Variants in RBM48 observed in about 807,000 individuals in gnomAD.
The protein encoded by RBM48 is RNA-binding protein 48.
In RBM48, 32 loss-of-function variants were observed where a neutral mutation model predicts 34.8. The ratio of observed to expected loss-of-function variants is 0.92; its 90% CI spans 0.69 to 1.23. RBM48 has a LOEUF of 1.23. Among genes scored for constraint, RBM48 ranks in the 50% most tolerant of loss-of-function variants. The pLI, the probability that RBM48 is intolerant of heterozygous loss-of-function variation, is 0.00. For missense variants in RBM48, 441 were observed against 447.2 expected, an observed-to-expected ratio of 0.99 and a Z score of 0.12; for synonymous variants, 151 against 156.2, an observed-to-expected ratio of 0.97 and a Z score of 0.25.
At chr7:92,530,008 T>G (rs927648794) in intron 2 of RBM48, among the ~76,000 whole-genome samples, 11 of 145,906 alleles carry the variant, frequency 7.5e-5, no homozygotes, top group African/African-American at 2.8e-4. Context: ...GAAACCCCCC[T>G]CTCTACTAAA....
intron 4 of RBM48, chr7:92,536,537 C>G: frequency 2.8e-5 from 28 of 1,006,098 alleles, no homozygotes; most frequent in Non-Finnish European, 3.3e-5. Context: ...ACCAGGATAT[C>G]TATCTGAATC....
At position 92,538,826 on chromosome 7, in the gene RBM48, T is replaced by A. The variant is rs1793789024; in HGVS notation, c.*1889T>A. ...AGATGAAAAGAGTTCTAGAGATCTGTTGCATGACAAACGTTACCTGACAGT... is the reference window on the plus strand; with the variant it reads ...AGATGAAAAGAGTTCTAGAGATCTGATGCATGACAAACGTTACCTGACAGT... On this transcript the variant is annotated 3_prime_UTR_variant, in exon 5 of 5. Coordinates refer to ENST00000265732, the MANE Select transcript of RBM48 (RefSeq NM_032120.4). Among the ~76,000 whole-genome samples the A allele has an allele frequency of 1.3e-5, 2 of 152,146 alleles. No homozygotes were observed. Among genetic ancestry groups the A allele is most frequent in the South Asian group, 4.1e-4 (2 of 4,830 alleles).
rs374461346 is a variant in RBM48 at position 92,529,459 on chromosome 7, C to G, written c.112-17C>G. 11 of 1,495,952 alleles carry G rather than the reference C, an allele frequency of 7.4e-6. No individual in the cohort carries two copies. The highest frequency in any genetic ancestry group is 4.5e-5 in the East Asian group (2 of 43,988). The allele number at this position is 1,495,952 out of a possible 1,614,324, so 92.7% of individuals were successfully genotyped here. On this transcript the variant is annotated splice_polypyrimidine_tract_variant and intron_variant, in intron 1 of 4. Transcript: ENST00000265732. ...CTTATTTGCGAAATACGTTTAATAACTCTGCATTTCTTTCAGGTATATACA... is the reference window on the plus strand; with the variant it reads ...CTTATTTGCGAAATACGTTTAATAAGTCTGCATTTCTTTCAGGTATATACA...
At position 92,537,944 on chromosome 7, in the gene RBM48, T is replaced by G. The variant is rs1793764355; in HGVS notation, c.*1007T>G. On this transcript the variant is annotated 3_prime_UTR_variant, in exon 5 of 5. Coordinates refer to ENST00000265732, the MANE Select transcript of RBM48 (RefSeq NM_032120.4). The stretch of plus-strand genomic sequence containing the variant: ...TCGGCCTCCCAAAGTACTAGGATTA[T>G]GGGTGTGACCCACTGTGCCTGGCCA... 6.6e-6 allele frequency: 1 copy of G among 152,234 alleles called. No homozygotes were observed. The highest frequency in any genetic ancestry group is 1.5e-5 in the Non-Finnish European group (1 of 68,070). 9.4% of individuals were successfully genotyped at this position (152,234 alleles called of 1,614,324 possible). A position where few individuals can be genotyped will look rare whatever the true frequency, so the allele number is the denominator to read the frequency against.
Position 92,533,967 on chromosome 7 carries a change from TAAAAAAA to T in RBM48, c.449-419_449-413del, listed in dbSNP as rs768646005. Among the ~76,000 whole-genome samples, 318 of 83,920 alleles carry T rather than the reference TAAAAAAA, an allele frequency of 3.8e-3. 1 individual carries two copies. Among genetic ancestry groups the T allele is most frequent in the African/African-American group, 0.012 (286 of 24,042 alleles). 55.1% of individuals were successfully genotyped at this position (83,920 alleles called of 152,430 possible). On this transcript the variant is annotated intron_variant, in intron 3 of 4. Transcript: ENST00000265732. ...CAGATAGTGGAATACTCTGAAATTG[TAAAAAAA>T]AAAAAAAAAAAAAAACCTTTCTATA...
chr7:92,532,326 A>G, intron 2 of RBM48, 78 bp from the exon 3 acceptor site: 4 of 1,234,760 alleles, frequency 3.2e-6, no homozygotes, highest in South Asian at 1.4e-5. Context: ...CTTTAGATCC[A>G]GATATTGCAT....
chr7:92,529,283 C>T (rs763934900), intron 1 of RBM48, 193 bp from the exon 2 acceptor site: 42 of 583,212 alleles, frequency 7.2e-5, no homozygotes, highest in Non-Finnish European at 1.2e-4. Context: ...CTGTTATATG[C>T]CTTAGGTAGC....
intron 1 of RBM48, 175 bp from the exon 2 acceptor site, chr7:92,529,301 A>G (rs1793475045): frequency 1.7e-6 from 1 of 588,310 alleles, no homozygotes; most frequent in Non-Finnish European, 3.0e-6. Flanking sequence ...AGCCTCTCAC[A>G]TGGACTGTTA....
chr7:92,539,237 C>G lies in RBM48; in HGVS notation c.*2300C>G, dbSNP rs1436224993. On this transcript the variant is annotated 3_prime_UTR_variant, in exon 5 of 5. Transcript: ENST00000265732. ...TGCTATATACTGTTTTCGCTCATCTCTTTTCAGATTGGAAGCCTGCCTTTT... is the reference window on the plus strand; with the variant it reads ...TGCTATATACTGTTTTCGCTCATCTGTTTTCAGATTGGAAGCCTGCCTTTT... 6.6e-6 allele frequency among the ~76,000 whole-genome samples: 1 copy of G among 152,210 alleles called. No individual in the cohort carries two copies. The highest frequency in any genetic ancestry group is 1.5e-5 in the Non-Finnish European group (1 of 68,038).
At chr7:92,535,210 A>AAG (rs1168905833) in intron 4 of RBM48, 2 of 1,392,120 alleles carry the variant, frequency 1.4e-6, no homozygotes, top group African/African-American at 2.9e-5. Context: ...CAAAATATTA[A>AAG]AGCAGTGGTT....
intron 2 of RBM48, among the ~76,000 whole-genome samples, chr7:92,530,777 G>A (rs1362451754): frequency 3.3e-5 from 5 of 150,914 alleles, no homozygotes; most frequent in Non-Finnish European, 7.4e-5. Context: ...TCCAGCCTGG[G>A]CAAGAGTGAG....
intron 2 of RBM48, 24 bp downstream of exon 2, chr7:92,529,690 C>G: frequency 7.4e-7 from 1 of 1,349,444 alleles, no homozygotes; most frequent in Non-Finnish European, 1.0e-6. Flanking sequence ...TAAGAAATGA[C>G]TCATTTCCTC....
intron 1 of RBM48, chr7:92,529,239 C>T (rs2116306519): frequency 3.5e-6 from 2 of 573,188 alleles, no homozygotes; most frequent in Non-Finnish European, 6.1e-6. Context: ...TCTACCGACT[C>T]AATTTCTGGA....
intron 4 of RBM48, chr7:92,535,348 TAG>T: frequency 8.9e-7 from 1 of 1,125,746 alleles, no homozygotes; most frequent in African/African-American, 1.6e-5. Context: ...CTCTCAAATT[TAG>T]AGTTATTACA....
intron 3 of RBM48, among the ~76,000 whole-genome samples, chr7:92,533,359 C>G (rs1281872294): frequency 6.6e-6 from 1 of 152,162 alleles, no homozygotes; most frequent in South Asian, 2.1e-4. Context: ...CCTAATTTTT[C>G]TGGGTGAGGA....
rs1585278576 is a variant in RBM48, at chr7:92,535,171, T to C, written c.1017+201T>C. On this transcript the variant is annotated intron_variant, in intron 4 of 4. Coordinates refer to ENST00000265732, the MANE Select transcript of RBM48 (RefSeq NM_032120.4). ...AACTGTTAATACTTGCTTTAAACAA[T>C]GAACAGACATTTTATATCACTGTAG... The C allele has an allele frequency of 4.9e-6, 7 of 1,424,752 alleles. No individual in the cohort carries two copies. In the Admixed American group the frequency reaches 9.0e-5, roughly 18 times the overall value. 88.3% of individuals were successfully genotyped at this position (1,424,752 alleles called of 1,614,324 possible). A position where few individuals can be genotyped will look rare whatever the true frequency, so the allele number is the denominator to read the frequency against.
chr7:92,534,697 G>C lies in RBM48; in HGVS notation c.744G>C (p.Gln248His), dbSNP rs1340396029. The part of the protein sequence containing the change: ...YNHNDSLRKT[Q>H]INSLKNSVAC... ...ACAATGACTCTTTGCGGAAAACACA[G>C]ATAAACTCTTTGAAAAACTCAGTGG... The change falls in exon 4 of 5, where the codon CAG becomes CAC. Residue 248 changes from glutamine (Q) to histidine (H), a missense_variant. Gln to His is a conservative substitution (Grantham distance 24, BLOSUM62 0). Transcript: ENST00000265732. The C allele has an allele frequency of 1.9e-5, 31 of 1,614,050 alleles. No individual in the cohort carries two copies. The highest frequency in any genetic ancestry group is 2.5e-5 in the Non-Finnish European group (30 of 1,180,038).
chr7:92,536,120 A>G, intron 4 of RBM48: 1 of 977,968 alleles, frequency 1.0e-6, no homozygotes, highest in Non-Finnish European at 1.2e-6. Flanking sequence ...ACAGTGTGAG[A>G]CCCTGTCTCA....
In RBM48 at chr7:92,536,482, T is replaced by TC. The variant is rs546237618; in HGVS notation, c.1018-363dup. 5.5e-4 allele frequency: 544 copies of TC among 988,322 alleles called. 10 individuals are homozygous for TC. In the South Asian group the frequency reaches 0.018, roughly 33 times the overall value. The allele number at this position is 988,322 out of a possible 1,614,324, so 61.2% of individuals were successfully genotyped here. On this transcript the variant is annotated intron_variant, in intron 4 of 4. Transcript: ENST00000265732. ...CTGCTCATTTCTCCAAAGGTTTTCA[T>TC]CCCCCCAAATCTATCAAACGTTATC...
Sources: allele counts gnomAD v4.1 joint callset (sites outside exome capture counted in the v4.1 genomes callset), GRCh38; gene constraint gnomAD v4.1.1; transcripts MANE v1.5; gene names NCBI Gene and HGNC (gene_info 2026-07-23, HGNC 2026-07-21).